Variants in EEPD1 observed in about 807,000 individuals in gnomAD.
EEPD1 encodes the protein endonuclease/exonuclease/phosphatase family domain containing 1, also known as endonuclease/exonuclease/phosphatase family domain-containing protein 1.
In EEPD1, 17 loss-of-function variants were observed where a neutral mutation model predicts 46.3. The observed-to-expected ratio is 0.37, with a 90% CI of 0.25 to 0.55. The LOEUF (loss-of-function observed/expected upper bound fraction) is 0.55. EEPD1 is among the 20% of genes least tolerant of loss of function. EEPD1 has a pLI of 0.83. For missense variants in EEPD1, 673 were observed against 745.6 expected, an observed-to-expected ratio of 0.90 and a Z score of 1.13; for synonymous variants, 313 against 315.6, an observed-to-expected ratio of 0.99 and a Z score of 0.09.
In EEPD1 at chr7:36,300,273, G is replaced by A. The variant is rs576777829; in HGVS notation, c.*1067G>A. 5 of 152,378 alleles carry A rather than the reference G, an allele frequency of 3.3e-5. No individual in the cohort carries two copies. The highest frequency in any genetic ancestry group is 2.6e-4 in the Admixed American group (4 of 15,310). The allele number at this position is 152,378 out of a possible 1,614,324, so 9.4% of individuals were successfully genotyped here. A position where few individuals can be genotyped will look rare whatever the true frequency, so the allele number is the denominator to read the frequency against. On this transcript the variant is annotated 3_prime_UTR_variant, in exon 8 of 8. Coordinates refer to ENST00000242108, the MANE Select transcript of EEPD1 (RefSeq NM_030636.3). ...GGTTGTGGGGAGGAAGCGAGGATGCGTGCCTGCCACTAGGCATCTGCATCC... is the reference window on the plus strand; with the variant it reads ...GGTTGTGGGGAGGAAGCGAGGATGCATGCCTGCCACTAGGCATCTGCATCC...
At chr7:36,176,075 C>G (rs989134141) in intron 2 of EEPD1, among the ~76,000 whole-genome samples, 16 of 152,156 alleles carry the variant, frequency 1.1e-4, no homozygotes, top group East Asian at 3.9e-4. Context: ...CCCTCGCCCT[C>G]CCCTGCCTCT....
intron 2 of EEPD1, among the ~76,000 whole-genome samples, chr7:36,209,112 GATTAC>G (rs1288595545): frequency 2.0e-5 from 3 of 152,154 alleles, no homozygotes; most frequent in African/African-American, 4.8e-5. Flanking sequence ...GGTTGTGTGG[GATTAC>G]ATTAAGCAAT....
At chr7:36,266,189 T>G (rs1260930274) in intron 3 of EEPD1, among the ~76,000 whole-genome samples, 1 of 152,212 alleles carries the variant, frequency 6.6e-6, no homozygotes, top group African/African-American at 2.4e-5. Context: ...CTGCTTCTAC[T>G]TAGAATAATT....
intron 2 of EEPD1, among the ~76,000 whole-genome samples, chr7:36,164,504 G>T (rs1376414393): frequency 6.6e-6 from 1 of 152,192 alleles, no homozygotes; most frequent in Admixed American, 6.5e-5. Context: ...GTGGAGGTTG[G>T]TTAGGATAAC....
intron 3 of EEPD1, among the ~76,000 whole-genome samples, chr7:36,266,963 C>T (rs372317561): frequency 1.3e-5 from 2 of 152,222 alleles, no homozygotes; most frequent in African/African-American, 4.8e-5. Context: ...TTGTGTTTCT[C>T]CATTCATCTG....
At chr7:36,238,460 A>T (rs960113678) in intron 2 of EEPD1, among the ~76,000 whole-genome samples, 1 of 152,110 alleles carries the variant, frequency 6.6e-6, no homozygotes, top group Non-Finnish European at 1.5e-5. Flanking sequence ...GAATTTGACT[A>T]CTCTAAGATA....
rs376858218 is a variant in EEPD1, at chr7:36,204,472, C to T, written c.879-34513C>T. ...CTTTTGTGTAGGACTTGCTGTGAGC[C>T]GTGCCCTATGCCAAACCCTTTTACA... On this transcript the variant is annotated intron_variant, in intron 2 of 7. Transcript: ENST00000242108. Among the ~76,000 whole-genome samples the T allele has an allele frequency of 1.2e-3, 190 of 152,264 alleles. 4 individuals carry two copies. The South Asian group carries it at 0.015, about 12-fold the overall frequency.
intron 2 of EEPD1, among the ~76,000 whole-genome samples, chr7:36,191,760 C>CTG (rs2115679581): frequency 6.6e-6 from 1 of 152,352 alleles, no homozygotes; most frequent in Admixed American, 6.5e-5. Flanking sequence ...GACTTATGCC[C>CTG]TGACCATTCC....
chr7:36,200,960 A>C (rs1478663438), intron 2 of EEPD1, among the ~76,000 whole-genome samples: 1 of 152,232 alleles, frequency 6.6e-6, no homozygotes, highest in African/African-American at 2.4e-5. Flanking sequence ...CCTAAACCAG[A>C]TGACCTGAGT....
intron 3 of EEPD1, among the ~76,000 whole-genome samples, chr7:36,248,318 C>G (rs137976319): frequency 8.6e-4 from 130 of 151,778 alleles, no homozygotes; most frequent in African/African-American, 2.9e-3. Context: ...GATTTTACCC[C>G]CCTCAGCCTC....
chr7:36,211,390 G>A (rs60955952), intron 2 of EEPD1, among the ~76,000 whole-genome samples: 5,932 of 152,078 alleles, frequency 0.039, 385 homozygotes, highest in African/African-American at 0.14. Context: ...GTGAAGCAGC[G>A]GCACAAATTA....
At chr7:36,270,783 A>G (rs1485918195) in intron 3 of EEPD1, among the ~76,000 whole-genome samples, 1 of 152,138 alleles carries the variant, frequency 6.6e-6, no homozygotes, top group Non-Finnish European at 1.5e-5. Flanking sequence ...ATGTGTCTTT[A>G]TAACAGAATG....
chr7:36,176,311 C>T (rs1165909336), intron 2 of EEPD1, among the ~76,000 whole-genome samples: 1 of 152,126 alleles, frequency 6.6e-6, no homozygotes, highest in Non-Finnish European at 1.5e-5. Context: ...CCAGGAGTGG[C>T]CTGAAGACAA....
chr7:36,179,907 C>T (rs1032766418), intron 2 of EEPD1, among the ~76,000 whole-genome samples: 7 of 152,074 alleles, frequency 4.6e-5, no homozygotes, highest in South Asian at 2.1e-4. Flanking sequence ...CTGAGTCACC[C>T]GAGGAGCCTT....
intron 2 of EEPD1, among the ~76,000 whole-genome samples, chr7:36,204,055 C>G (rs1280428408): frequency 7.0e-6 from 1 of 142,564 alleles, no homozygotes; most frequent in Non-Finnish European, 1.5e-5. Flanking sequence ...TTTTTTTAGA[C>G]ACAGAGCCTT....
chr7:36,277,936 G>C (rs1435039040), intron 3 of EEPD1, among the ~76,000 whole-genome samples: 1 of 152,082 alleles, frequency 6.6e-6, no homozygotes, highest in Admixed American at 6.5e-5. Flanking sequence ...AGGGCTCCTA[G>C]AGCTTACCTG....
chr7:36,231,365 C>T (rs1562695117), intron 2 of EEPD1, among the ~76,000 whole-genome samples: 1 of 152,194 alleles, frequency 6.6e-6, no homozygotes, highest in Non-Finnish European at 1.5e-5. Flanking sequence ...TCATTGCTAT[C>T]AGCTGCTTTT....
intron 2 of EEPD1, among the ~76,000 whole-genome samples, chr7:36,169,834 T>C (rs1183445490): frequency 6.6e-6 from 1 of 152,258 alleles, no homozygotes; most frequent in Non-Finnish European, 1.5e-5. Context: ...AACAATGTCC[T>C]GGAGAAGTAT....
chr7:36,260,539 T>A (rs1786904082), intron 3 of EEPD1, among the ~76,000 whole-genome samples: 1 of 152,254 alleles, frequency 6.6e-6, no homozygotes, highest in African/African-American at 2.4e-5. Flanking sequence ...TTCTTTAGTG[T>A]CCCAGAGCTG....
Sources: allele counts gnomAD v4.1 joint callset (sites outside exome capture counted in the v4.1 genomes callset), GRCh38; gene constraint gnomAD v4.1.1; transcripts MANE v1.5; gene names NCBI Gene and HGNC (gene_info 2026-07-23, HGNC 2026-07-21).